RGS20: variants seen among roughly 807,000 people sequenced by gnomAD.
RGS20 encodes regulator of G protein signaling 20, also known as gz-selective GTPase-activating protein.
In RGS20, 30 loss-of-function variants were observed where a neutral mutation model predicts 33.6. That is an observed-to-expected ratio of 0.89 (90% CI 0.67 to 1.21). The LOEUF (loss-of-function observed/expected upper bound fraction) is 1.21. Among genes scored for constraint, RGS20 ranks in the 50% most tolerant of loss-of-function variants. The pLI is 0.00. For synonymous variants in RGS20, 208 were observed against 197.9 expected, an observed-to-expected ratio of 1.05 and a Z score of -0.43; for missense variants, 472 against 502.4, an observed-to-expected ratio of 0.94 and a Z score of 0.58.
intron 2 of RGS20, among the ~76,000 whole-genome samples, chr8:53,938,831 G>A (rs899956408): frequency 2.0e-5 from 3 of 152,128 alleles, no homozygotes; most frequent in Non-Finnish European, 4.4e-5. Flanking sequence ...CAGGGCAGAG[G>A]CTGAAGGGCA....
At chr8:53,942,187 C>T (rs1814317885) in intron 3 of RGS20, among the ~76,000 whole-genome samples, 1 of 152,086 alleles carries the variant, frequency 6.6e-6, no homozygotes, top group African/African-American at 2.4e-5. Flanking sequence ...GCAGGAGAAT[C>T]GCTTGAACCT....
intron 2 of RGS20, among the ~76,000 whole-genome samples, chr8:53,920,259 A>G (rs1194229806): frequency 6.6e-6 from 1 of 152,056 alleles, no homozygotes; most frequent in African/African-American, 2.4e-5. Context: ...ATTTATTTCT[A>G]ATTATTTTAT....
intron 2 of RGS20, chr8:53,879,806 G>A: frequency 2.1e-6 from 1 of 475,378 alleles, no homozygotes; most frequent in Non-Finnish European, 3.6e-6. Context: ...CCCGCGGGAA[G>A]ACACTCCAAG....
chr8:53,876,176 A>C (rs1418848621), intron 1 of RGS20: 1 of 152,246 alleles, frequency 6.6e-6, no homozygotes, highest in African/African-American at 2.4e-5. Context: ...CTTTAATTCT[A>C]AAGAGTCTCA....
intron 2 of RGS20, among the ~76,000 whole-genome samples, chr8:53,892,610 T>C (rs1812744170): frequency 6.6e-6 from 1 of 152,218 alleles, no homozygotes; most frequent in Non-Finnish European, 1.5e-5. Flanking sequence ...TTGACTTTGA[T>C]CATTAGTTTT....
At chr8:53,904,670 T>G (rs1015503438) in intron 2 of RGS20, among the ~76,000 whole-genome samples, 1 of 152,184 alleles carries the variant, frequency 6.6e-6, no homozygotes, top group African/African-American at 2.4e-5. Context: ...TTTAATACTT[T>G]CAGAGGTGCC....
chr8:53,948,086 TAA>T (rs1242019118), intron 4 of RGS20, among the ~76,000 whole-genome samples: 3 of 135,636 alleles, frequency 2.2e-5, no homozygotes, highest in Non-Finnish European at 3.0e-5. Flanking sequence ...ATGCTATATA[TAA>T]GATGTAGTAT....
intron 1 of RGS20, among the ~76,000 whole-genome samples, chr8:53,865,581 G>T (rs1324721466): frequency 1.3e-5 from 2 of 152,148 alleles, no homozygotes; most frequent in African/African-American, 4.8e-5. Context: ...TCCCAGTACT[G>T]CTTAGGTTTT....
chr8:53,945,157 T>C (rs2129291266), intron 3 of RGS20, among the ~76,000 whole-genome samples: 1 of 152,304 alleles, frequency 6.6e-6, no homozygotes, highest in East Asian at 1.9e-4. Flanking sequence ...CACAGGAATG[T>C]GCATAGCAGC....
chr8:53,954,507 T>C (rs1273698647), intron 5 of RGS20, among the ~76,000 whole-genome samples, 197 bp downstream of exon 4: 1 of 151,328 alleles, frequency 6.6e-6, no homozygotes, highest in African/African-American at 2.4e-5. Flanking sequence ...CTACTAAAAA[T>C]ACAAAAATTA....
At chr8:53,889,820 T>G (rs1464681057) in intron 2 of RGS20, among the ~76,000 whole-genome samples, 1 of 152,110 alleles carries the variant, frequency 6.6e-6, no homozygotes, top group African/African-American at 2.4e-5. Flanking sequence ...CATTATCTTT[T>G]GACTTTCCTA....
Position 53,906,430 on chromosome 8 carries a change from G to GC in RGS20, c.510+26833dup, listed in dbSNP as rs1813178594. The stretch of plus-strand genomic sequence containing the variant: ...CCCTCTGCTACTTTGCTATCGAGTG[G>GC]CCCCCTAAGTGTGCTGGCAAATGTG... On this transcript the variant is annotated intron_variant, in intron 2 of 5. Transcript: ENST00000297313. Among the ~76,000 whole-genome samples the GC allele has an allele frequency of 1.3e-5, 2 of 152,052 alleles. 1 individual carries two copies. Among genetic ancestry groups the GC allele is most frequent in the Non-Finnish European group, 2.9e-5 (2 of 68,008 alleles).
At position 53,947,166 on chromosome 8, in the gene RGS20, A is replaced by ACG. The variant is rs1376394241; in HGVS notation, c.743+419_743+420insGC. Among the ~76,000 whole-genome samples the ACG allele has an allele frequency of 8.0e-4, 117 of 146,154 alleles. 1 individual carries two copies. Among genetic ancestry groups the ACG allele is most frequent in the African/African-American group, 2.3e-3 (91 of 40,362 alleles). On this transcript the variant is annotated intron_variant, in intron 4 of 5. Coordinates refer to ENST00000297313, the MANE Select transcript of RGS20 (RefSeq NM_170587.4). Reference sequence around the variant, plus strand: ...TATGATATAGTATATATATTTATACACTCTATATAAGATATAGCATATTTA... The same window carrying ACG: ...TATGATATAGTATATATATTTATACACGCTCTATATAAGATATAGCATATTTA...
At chr8:53,870,062 T>TA (rs576231261) in intron 1 of RGS20, among the ~76,000 whole-genome samples, 7 of 151,744 alleles carry the variant, frequency 4.6e-5, no homozygotes, top group East Asian at 1.9e-4. Flanking sequence ...GCCAAACATT[T>TA]AAAAAAAATG....
intron 1 of RGS20, among the ~76,000 whole-genome samples, chr8:53,860,206 A>G (rs1811779977): frequency 6.6e-6 from 1 of 152,262 alleles, no homozygotes; most frequent in Admixed American, 6.5e-5. Context: ...TAAACCATAT[A>G]GTGACAACTG....
chr8:53,953,891 T>C (rs1439813279), intron 4 of RGS20, among the ~76,000 whole-genome samples, 185 bp from the exon 4 acceptor site: 1 of 152,226 alleles, frequency 6.6e-6, no homozygotes, highest in East Asian at 1.9e-4. Flanking sequence ...AATTTGAAAG[T>C]ATCATATTCA....
At chr8:53,874,207 C>T (rs1431331954) in intron 1 of RGS20, among the ~76,000 whole-genome samples, 1 of 152,064 alleles carries the variant, frequency 6.6e-6, no homozygotes, top group Non-Finnish European at 1.5e-5. Flanking sequence ...AGAAAGTCTG[C>T]ACCTGTAGAG....
chr8:53,950,363 G>C (rs773019541), intron 4 of RGS20, among the ~76,000 whole-genome samples: 1 of 152,058 alleles, frequency 6.6e-6, no homozygotes, highest in Non-Finnish European at 1.5e-5. Context: ...AAAATGCTTG[G>C]AACTAGAAAT....
intron 1 of RGS20, among the ~76,000 whole-genome samples, chr8:53,865,062 C>T (rs975490763): frequency 2.8e-4 from 43 of 152,220 alleles, no homozygotes; most frequent in Admixed American, 2.4e-3. Flanking sequence ...ATGGCCTGAA[C>T]GAGGCTCACA....
Sources: allele counts gnomAD v4.1 joint callset (sites outside exome capture counted in the v4.1 genomes callset), GRCh38; gene constraint gnomAD v4.1.1; transcripts MANE v1.5; gene names NCBI Gene and HGNC (gene_info 2026-07-23, HGNC 2026-07-21).